The following PEAK1 variants were observed in gnomAD, a reference collection of about 807,000 sequenced individuals.
PEAK1 encodes pseudopodium enriched atypical kinase 1.
PEAK1 carries 54 observed loss-of-function variants against 124.7 expected under a neutral mutation model. The observed-to-expected ratio is 0.43, with a 90% CI of 0.35 to 0.54. The LOEUF (loss-of-function observed/expected upper bound fraction) is 0.54, where lower values mean the gene tolerates loss of function less well. Among genes scored for constraint, PEAK1 ranks in the 20% least tolerant of loss-of-function variants. The probability of loss-of-function intolerance (pLI) is 0.01; values close to 1 mark genes in which losing one functional copy is unlikely to be tolerated. For synonymous variants in PEAK1, 719 were observed against 760.0 expected (o/e 0.95, Z 0.89); for missense variants, 2,046 against 2,134.5 (o/e 0.96, Z 0.82).
intron 6 of PEAK1, among the ~76,000 whole-genome samples, chr15:77,233,618 T>C (rs2059995972): frequency 6.6e-6 from 1 of 152,228 alleles, no homozygotes; most frequent in Non-Finnish European, 1.5e-5. Context: ...TCCAATCCTG[T>C]GTATATCATC....
intron 2 of PEAK1, chr15:77,337,865 T>C (rs2066295748): frequency 1.0e-6 from 1 of 985,160 alleles, no homozygotes; most frequent in African/African-American, 1.7e-5. Flanking sequence ...AAGAAAAAAA[T>C]CAATTCCCTT....
downstream of PEAK1, chr15:77,105,235 T>C (rs1394846758): frequency 6.6e-6 from 1 of 152,184 alleles, no homozygotes; most frequent in Non-Finnish European, 1.5e-5. Context: ...AATTGCAGAT[T>C]CCTCAGAAGC....
intron 7 of PEAK1, among the ~76,000 whole-genome samples, chr15:77,163,557 A>T (rs2055846434): frequency 6.6e-6 from 1 of 152,224 alleles, no homozygotes; most frequent in Non-Finnish European, 1.5e-5. Flanking sequence ...TTCAAGACAG[A>T]TTTTTGTAAA....
chr15:77,202,264 T>A (rs1049590271), intron 6 of PEAK1, among the ~76,000 whole-genome samples: 4 of 152,150 alleles, frequency 2.6e-5, no homozygotes, highest in Non-Finnish European at 5.9e-5. Context: ...TTGAACAACA[T>A]GGGTTAGGAG....
chr15:77,334,330 A>G, intron 2 of PEAK1: 1 of 985,298 alleles, frequency 1.0e-6, no homozygotes, highest in Non-Finnish European at 1.2e-6. Flanking sequence ...CTGCCCAACC[A>G]TGTAGTGTTT....
intron 6 of PEAK1, among the ~76,000 whole-genome samples, chr15:77,236,184 G>C (rs1045508455): frequency 6.6e-6 from 1 of 152,210 alleles, no homozygotes; most frequent in Non-Finnish European, 1.5e-5. Context: ...CCAGACCCCA[G>C]AATGGTAGAT....
At chr15:77,214,942 G>A (rs2059081003) in intron 6 of PEAK1, among the ~76,000 whole-genome samples, 1 of 152,148 alleles carries the variant, frequency 6.6e-6, no homozygotes, top group Non-Finnish European at 1.5e-5. Context: ...ATTGGGTGGG[G>A]ACACAGAACC....
At chr15:77,115,717 T>C (rs1043700064) in intron 9 of PEAK1, among the ~76,000 whole-genome samples, 11 of 152,208 alleles carry the variant, frequency 7.2e-5, no homozygotes, top group African/African-American at 2.2e-4. Flanking sequence ...CTTACTTCTG[T>C]AGAGGTTTGT....
At chr15:77,322,717 C>T (rs985228912) in intron 2 of PEAK1, among the ~76,000 whole-genome samples, 6 of 152,162 alleles carry the variant, frequency 3.9e-5, no homozygotes, top group African/African-American at 1.4e-4. Flanking sequence ...GGAGCTGGTA[C>T]CATTCCTTCT....
chr15:77,113,539 T>C lies in PEAK1; in HGVS notation c.*617A>G, dbSNP rs560944961. ...ATGCAGTGCACATACTTACAGATAA[T>C]GGCAATGAAAATGGGTCTATGACCC... On this transcript the variant is annotated 3_prime_UTR_variant, in exon 10 of 10. Transcript: ENST00000682557. The C allele has an allele frequency of 1.3e-5, 2 of 154,602 alleles. No homozygotes were observed. Among genetic ancestry groups the C allele is most frequent in the Admixed American group, 1.3e-4 (2 of 15,754 alleles). 9.6% of individuals were successfully genotyped at this position (154,602 alleles called of 1,614,324 possible). A position where few individuals can be genotyped will look rare whatever the true frequency, so the allele number is the denominator to read the frequency against.
At chr15:77,167,569 A>G (rs899319652) in intron 7 of PEAK1, among the ~76,000 whole-genome samples, 3 of 152,240 alleles carry the variant, frequency 2.0e-5, no homozygotes, top group Non-Finnish European at 4.4e-5. Flanking sequence ...GTTTCTTTAC[A>G]GCAAAATAAC....
chr15:77,242,719 C>T (rs981329902), intron 6 of PEAK1, among the ~76,000 whole-genome samples: 4 of 152,008 alleles, frequency 2.6e-5, no homozygotes, highest in African/African-American at 9.7e-5. Context: ...CTGTCTTATC[C>T]TTGGAATCAG....
At chr15:77,140,729 T>A (rs1432833651) in intron 8 of PEAK1, among the ~76,000 whole-genome samples, 1 of 151,688 alleles carries the variant, frequency 6.6e-6, no homozygotes, top group African/African-American at 2.4e-5. Flanking sequence ...TTTTTCTTTT[T>A]CTTTGTGTCT....
exon 7 of PEAK1, chr15:77,102,618 T>G (rs2152701347): frequency 6.6e-6 from 1 of 152,358 alleles, no homozygotes; most frequent in Admixed American, 6.5e-5. Flanking sequence ...TAACCAATTG[T>G]ACCAGCACAT....
intron 2 of PEAK1, among the ~76,000 whole-genome samples, chr15:77,308,114 A>G (rs1199152691): frequency 6.6e-6 from 1 of 152,122 alleles, no homozygotes; most frequent in Non-Finnish European, 1.5e-5. Context: ...TTTCAGGTAT[A>G]CTAACAGATA....
chr15:77,341,149 C>T (rs1259297861), intron 2 of PEAK1, among the ~76,000 whole-genome samples: 1 of 152,004 alleles, frequency 6.6e-6, no homozygotes, highest in Non-Finnish European at 1.5e-5. Flanking sequence ...AGTTTCTATG[C>T]CCTTTCCCCA....
In PEAK1 at chr15:77,352,562, T is replaced by C. The variant is rs1351813694; in HGVS notation, c.-603+12601A>G. 6.3e-6 allele frequency: 6 copies of C among 951,592 alleles called. No homozygotes were observed. In the African/African-American group the frequency reaches 7.1e-5, roughly 11 times the overall value. The allele number at this position is 951,592 out of a possible 1,614,324, so 58.9% of individuals were successfully genotyped here. On this transcript the variant is annotated intron_variant, in intron 2 of 9. Coordinates refer to ENST00000682557, the MANE Select transcript of PEAK1 (RefSeq NM_001385026.1). Reference sequence around the variant, plus strand: ...TTAAAATATATATACTTTAGAAATATGTCATTTTTTAATATATATAAAACT... The same window carrying C: ...TTAAAATATATATACTTTAGAAATACGTCATTTTTTAATATATATAAAACT...
intron 7 of PEAK1, among the ~76,000 whole-genome samples, chr15:77,159,903 C>A (rs1409779975): frequency 6.6e-6 from 1 of 152,184 alleles, no homozygotes; most frequent in Non-Finnish European, 1.5e-5. Flanking sequence ...GGATATACAA[C>A]TTCAAAAATA....
chr15:77,404,509 T>A (rs2071640865), intron 1 of PEAK1: 1 of 505,718 alleles, frequency 2.0e-6, no homozygotes, highest in Non-Finnish European at 2.6e-6. Flanking sequence ...TATACTAGAA[T>A]AAAATATATC....
Sources: allele counts gnomAD v4.1 joint callset (sites outside exome capture counted in the v4.1 genomes callset), GRCh38; gene constraint gnomAD v4.1.1; transcripts MANE v1.5; gene names NCBI Gene and HGNC (gene_info 2026-07-23, HGNC 2026-07-21).